Variants in DEPDC7 observed in about 807,000 individuals in gnomAD.
The protein encoded by DEPDC7 is DEP domain containing 7, also known as DEP domain-containing protein 7.
DEPDC7 carries 41 observed loss-of-function variants against 56.6 expected under a neutral mutation model. The ratio of observed to expected loss-of-function variants is 0.72; its 90% CI spans 0.56 to 0.94. The LOEUF (loss-of-function observed/expected upper bound fraction) is 0.94. DEPDC7 is among the 40% of genes least tolerant of loss of function. The pLI is 0.00. For synonymous variants in DEPDC7, 185 were observed against 208.8 expected (o/e 0.89, Z 0.98); for missense variants, 522 against 596.3 (o/e 0.88, Z 1.30).
intron 2 of DEPDC7, chr11:33,026,254 T>A: frequency 1.7e-6 from 1 of 592,168 alleles, no homozygotes; most frequent in Non-Finnish European, 3.0e-6. Flanking sequence ...GCAGAAGCAG[T>A]CAACACACTT....
At chr11:33,026,140 T>G in intron 2 of DEPDC7, 91 bp downstream of exon 2, 2 of 1,443,556 alleles carry the variant, frequency 1.4e-6, no homozygotes, top group Non-Finnish European at 1.9e-6. Context: ...ATTACATTTT[T>G]AGCAGTAAAT....
intron 8 of DEPDC7, 54 bp from the exon 9 acceptor site, chr11:33,033,208 C>G (rs2273539): frequency 0.73 from 967,362 of 1,323,196 alleles, 355,419 homozygotes; most frequent in East Asian, 0.85. Context: ...GATTTTTCTG[C>G]TTAAATATGA....
At position 33,020,457 on chromosome 11, in the gene DEPDC7, A is replaced by G. The variant is rs552333625; in HGVS notation, c.73+4429A>G. ...CTAGATTTATATAGTGCTTGAGACTATGTGTTGAAGGCTAGATAATCAAAT... is the reference window on the plus strand; with the variant it reads ...CTAGATTTATATAGTGCTTGAGACTGTGTGTTGAAGGCTAGATAATCAAAT... On this transcript the variant is annotated intron_variant, in intron 1 of 8. Coordinates refer to ENST00000241051, the MANE Select transcript of DEPDC7 (RefSeq NM_001077242.2). Among the ~76,000 whole-genome samples the G allele has an allele frequency of 3.3e-5, 5 of 152,310 alleles. No individual in the cohort carries two copies. In the South Asian group the frequency reaches 6.2e-4, roughly 19 times the overall value.
At position 33,031,528 on chromosome 11, in the gene DEPDC7, T is replaced by C; in HGVS notation, c.933T>C (p.Ser311=). The C allele has an allele frequency of 1.2e-6, 2 of 1,614,124 alleles. No individual in the cohort carries two copies. The highest frequency in any genetic ancestry group is 1.7e-6 in the Non-Finnish European group (2 of 1,179,964). The change falls in exon 5 of 9, where the codon AGT becomes AGC. Residue 311 remains serine, a synonymous_variant. Coordinates refer to ENST00000241051, the MANE Select transcript of DEPDC7 (RefSeq NM_001077242.2). ...TTGATGCCATTGGCAGATATTACAGTAGTAGGGAACCTCTGTTAAATCACT... is the reference window on the plus strand; with the variant it reads ...TTGATGCCATTGGCAGATATTACAGCAGTAGGGAACCTCTGTTAAATCACT... The part of the protein sequence containing the change: ...LLFDAIGRYY[S]SREPLLNHLS...
intron 1 of DEPDC7, chr11:33,016,608 T>C: frequency 1.2e-6 from 2 of 1,611,060 alleles, no homozygotes; most frequent in South Asian, 2.2e-5. Flanking sequence ...ACTTTATGTA[T>C]AAGCAGTATT....
intron 1 of DEPDC7, among the ~76,000 whole-genome samples, chr11:33,020,003 A>G (rs1396312435): frequency 6.6e-6 from 1 of 151,796 alleles, no homozygotes; most frequent in Non-Finnish European, 1.5e-5. Context: ...TTGGGATCCA[A>G]TTTTATAATG....
At chr11:33,027,332 C>G (rs1853589646) in intron 2 of DEPDC7, among the ~76,000 whole-genome samples, 1 of 152,086 alleles carries the variant, frequency 6.6e-6, no homozygotes, top group African/African-American at 2.4e-5. Context: ...GGCTGTAGAT[C>G]TGTATTTAGA....
chr11:33,016,984 CTG>C (rs1387240587), intron 1 of DEPDC7, among the ~76,000 whole-genome samples: 1 of 152,214 alleles, frequency 6.6e-6, no homozygotes, highest in Non-Finnish European at 1.5e-5. Flanking sequence ...ACCAGTGAAA[CTG>C]TGATTCCTTC....
At position 33,031,589 on chromosome 11, in the gene DEPDC7, G is replaced by C; in HGVS notation, c.994G>C (p.Val332Leu). 1 of 1,608,812 alleles carries C rather than the reference G, an allele frequency of 6.2e-7. No individual in the cohort carries two copies. Residue 332 changes from valine to leucine, a missense_variant and splice_region_variant, in exon 5 of 9, where the codon GTG (valine) becomes CTG (leucine). Transcript: ENST00000241051. ...DVHNGIAELL[V>L]NGKTEIALEA... ...TCATAATGGAATTGCAGAACTCTTA[G>C]GTAAGTAAGATCTAACTGGATACTA...
At chr11:33,016,200 G>A (rs1159182504) in intron 1 of DEPDC7, 172 bp downstream of exon 1, 20 of 1,273,652 alleles carry the variant, frequency 1.6e-5, no homozygotes, top group Non-Finnish European at 2.0e-5. Flanking sequence ...CGCCGAGCGG[G>A]CGGATCGAGT....
At chr11:33,020,684 C>CT (rs1372954869) in intron 1 of DEPDC7, among the ~76,000 whole-genome samples, 1 of 152,194 alleles carries the variant, frequency 6.6e-6, no homozygotes, top group African/African-American at 2.4e-5. Flanking sequence ...GTCACCCAGG[C>CT]TGGAGTGCAG....
At chr11:33,017,770 C>T (rs1374026808) in intron 1 of DEPDC7, among the ~76,000 whole-genome samples, 1 of 152,122 alleles carries the variant, frequency 6.6e-6, no homozygotes. Context: ...CTCTCACTTA[C>T]CTTAAAGGGG....
At position 33,031,439 on chromosome 11, in the gene DEPDC7, G is replaced by A; in HGVS notation, c.844G>A (p.Val282Met). 4 of 1,614,216 alleles carry A rather than the reference G, an allele frequency of 2.5e-6. No homozygotes were observed. The highest frequency in any genetic ancestry group is 1.1e-5 in the South Asian group (1 of 91,082). Residue 282 changes from valine (V) to methionine (M), a missense_variant, in exon 5 of 9, where the codon GTG (valine) becomes ATG (methionine). By Grantham distance (21) the Val-to-Met change is conservative (BLOSUM62 1). Transcript: ENST00000241051. ...AGAATACCTTCCAGACCAAATGGTG[G>A]TGGAAATAAGCAGAAGCTTTCCTGA... is the stretch of plus-strand genomic sequence containing the variant. Reference protein sequence around the residue: ...CLEYLPDQMVVEISRSFPEQP... With the variant: ...CLEYLPDQMVMEISRSFPEQP...
chr11:33,033,263 A>G lies in DEPDC7; in HGVS notation c.1344A>G (p.Gly448=), dbSNP rs1174096686. The part of the protein sequence containing the change: ...QNGRDPNRDA[G]YIYCQRIDQR... Reference sequence around the variant, plus strand: ...AACTTTTTACTTTTAAACTTTAAGGATATATTTATTGCCAGAGAATTGATC... The same window carrying G: ...AACTTTTTACTTTTAAACTTTAAGGGTATATTTATTGCCAGAGAATTGATC... The change falls in exon 9 of 9, where the codon GGA becomes GGG. Residue 448 remains glycine, a splice_region_variant and synonymous_variant. Transcript: ENST00000241051. 1.3e-6 allele frequency: 2 copies of G among 1,579,718 alleles called. No homozygotes were observed. Among genetic ancestry groups the G allele is most frequent in the Admixed American group, 2.0e-5 (1 of 50,776 alleles).
intron 2 of DEPDC7, chr11:33,026,286 T>C (rs919089274): frequency 3.8e-6 from 2 of 527,278 alleles, no homozygotes; most frequent in Non-Finnish European, 6.8e-6. Flanking sequence ...CTTCAGGTTA[T>C]AGTTGCAGTG....
intron 8 of DEPDC7, 98 bp from the exon 9 acceptor site, chr11:33,033,163 TG>T: frequency 9.6e-7 from 1 of 1,038,748 alleles, no homozygotes; most frequent in Non-Finnish European, 1.4e-6. Context: ...TATTACAAAA[TG>T]GGGAAGAAAA....
intron 5 of DEPDC7, 134 bp from the exon 6 acceptor site, chr11:33,032,201 TC>T: frequency 1.3e-6 from 1 of 779,142 alleles, no homozygotes. Context: ...CATTGTTAAT[TC>T]CTAGTCTTGC....
At position 33,027,757 on chromosome 11, in the gene DEPDC7, G is replaced by A. The variant is rs746537879; in HGVS notation, c.536G>A (p.Ser179Asn). The change falls in exon 3 of 9, where the codon AGT becomes AAT. Residue 179 changes from serine to asparagine, a missense_variant. By Grantham distance (46) the Ser-to-Asn change is conservative. Coordinates refer to ENST00000241051, the MANE Select transcript of DEPDC7 (RefSeq NM_001077242.2). ...ASLEDLWENL[S>N]LKPANSPHVN... ...TTAGAGGACCTGTGGGAAAATCTGA[G>A]TTTAAAGCCTGCCAACTCCCCTCAT... 1 of 1,578,786 alleles carries A rather than the reference G, an allele frequency of 6.3e-7. No individual in the cohort carries two copies. Among genetic ancestry groups the A allele is most frequent in the East Asian group, 2.4e-5 (1 of 41,916 alleles).
rs1853645363 is a variant in DEPDC7, at chr11:33,032,657, T to C, written c.1138-11T>C. The C allele has an allele frequency of 6.5e-7, 1 of 1,547,202 alleles. No individual in the cohort carries two copies. Among genetic ancestry groups the C allele is most frequent in the African/African-American group, 1.4e-5 (1 of 71,934 alleles). On this transcript the variant is annotated splice_polypyrimidine_tract_variant and intron_variant, in intron 6 of 8. Coordinates refer to ENST00000241051, the MANE Select transcript of DEPDC7 (RefSeq NM_001077242.2). ...TATATACTATTGGATATATTTGTTT[T>C]ATTTTTATAGAGTGACAACCGAATG...
Sources: gnomAD v4.1 joint callset for allele counts (sites outside exome capture counted in the v4.1 genomes callset) on GRCh38, gnomAD v4.1.1 for gene constraint, MANE v1.5 for transcripts, NCBI Gene and HGNC (gene_info 2026-07-23, HGNC 2026-07-21) for gene names.